Variants in CPXM2 observed in about 807,000 individuals in gnomAD.
CPXM2 encodes inactive carboxypeptidase-like protein X2.
CPXM2 carries 66 observed loss-of-function variants against 86.1 expected under a neutral mutation model. The observed-to-expected ratio is 0.77, with a 90% CI of 0.63 to 0.94. CPXM2 has a LOEUF of 0.94. Among genes scored for constraint, CPXM2 ranks in the 40% least tolerant of loss-of-function variants. The probability of loss-of-function intolerance (pLI) is 0.00; values close to 1 mark genes in which losing one functional copy is unlikely to be tolerated. For synonymous variants in CPXM2, 388 were observed against 400.2 expected (o/e 0.97, Z 0.36); for missense variants, 948 against 1,026.3 (o/e 0.92, Z 1.04).
intron 2 of CPXM2, among the ~76,000 whole-genome samples, chr10:123,876,464 G>C (rs1944989018): frequency 6.6e-6 from 1 of 152,182 alleles, no homozygotes; most frequent in Non-Finnish European, 1.5e-5. Flanking sequence ...GGAAACTAAA[G>C]AGAGGTGATC....
intron 6 of CPXM2, among the ~76,000 whole-genome samples, chr10:123,784,945 T>C (rs1847016705): frequency 6.6e-6 from 1 of 152,208 alleles, no homozygotes; most frequent in South Asian, 2.1e-4. Context: ...GGAAATATCC[T>C]TTCCATTCAC....
chr10:123,763,492 T>G (rs1589972224), intron 10 of CPXM2, among the ~76,000 whole-genome samples: 1 of 152,220 alleles, frequency 6.6e-6, no homozygotes, highest in Non-Finnish European at 1.5e-5. Context: ...TCTTTTGTTT[T>G]ATCCCATATG....
At chr10:123,788,845 C>T (rs1325076472) in intron 6 of CPXM2, among the ~76,000 whole-genome samples, 2 of 142,430 alleles carry the variant, frequency 1.4e-5, no homozygotes, top group Admixed American at 7.3e-5. Context: ...CTTTAAAAGG[C>T]TTAGTGTATA....
chr10:123,940,672 T>G (rs11517445), upstream of CPXM2, among the ~76,000 whole-genome samples: 50,397 of 152,088 alleles, frequency 0.33, 9,656 homozygotes, highest in South Asian at 0.48. Flanking sequence ...TCCAGCATTT[T>G]AAACCAACGC....
chr10:123,798,693 T>C (rs899770127), intron 5 of CPXM2, among the ~76,000 whole-genome samples: 1 of 152,220 alleles, frequency 6.6e-6, no homozygotes, highest in Admixed American at 6.5e-5. Flanking sequence ...GCTAGGAATA[T>C]GCACTTGAGA....
chr10:123,836,888 C>CCA, intron 4 of CPXM2, among the ~76,000 whole-genome samples: 1 of 151,162 alleles, frequency 6.6e-6, no homozygotes, highest in Admixed American at 6.6e-5. Context: ...GATCTTCCCC[C>CCA]CAGGTGAGGT....
At chr10:123,922,391 A>G (rs1945585602) in intron 2 of CPXM2, among the ~76,000 whole-genome samples, 2 of 152,244 alleles carry the variant, frequency 1.3e-5, no homozygotes, top group South Asian at 4.1e-4. Context: ...TTTTTAATTC[A>G]AAAAGGGTAA....
At chr10:123,936,739 C>T (rs1945724511) in intron 2 of CPXM2, among the ~76,000 whole-genome samples, 1 of 152,196 alleles carries the variant, frequency 6.6e-6, no homozygotes, top group Admixed American at 6.5e-5. Flanking sequence ...CTCCCTTTGT[C>T]TCTCACTTTC....
chr10:123,907,221 G>C (rs925277364), intron 2 of CPXM2, among the ~76,000 whole-genome samples: 1 of 152,190 alleles, frequency 6.6e-6, no homozygotes, highest in Non-Finnish European at 1.5e-5. Flanking sequence ...TTAACATTCA[G>C]GCTGAAACTG....
Position 123,874,185 on chromosome 10 carries a change from C to A in CPXM2, c.403+6026G>T, listed in dbSNP as rs76256201. 5.3e-3 allele frequency among the ~76,000 whole-genome samples: 811 copies of A among 152,026 alleles called. 9 individuals carry two copies. The highest frequency in any genetic ancestry group is 0.019 in the African/African-American group (771 of 41,438). ...GCCTATTTCTCACATTTCTAAAAGC[C>A]GAGAAGTCCAAGATCAAGGCACCAA... On this transcript the variant is annotated intron_variant, in intron 2 of 13. Transcript: ENST00000241305.
intron 2 of CPXM2, among the ~76,000 whole-genome samples, chr10:123,873,272 T>C (rs933965530): frequency 6.7e-6 from 1 of 148,424 alleles, no homozygotes; most frequent in African/African-American, 2.5e-5. Flanking sequence ...AAATTGAAAT[T>C]AAAAGTATCA....
intron 2 of CPXM2, among the ~76,000 whole-genome samples, chr10:123,904,021 G>A (rs1480786799): frequency 6.6e-6 from 1 of 152,200 alleles, no homozygotes; most frequent in Non-Finnish European, 1.5e-5. Flanking sequence ...CCTCTTTGGA[G>A]AAAAACATAG....
intron 2 of CPXM2, among the ~76,000 whole-genome samples, chr10:123,933,106 C>A (rs113668612): frequency 0.013 from 2,026 of 152,226 alleles, 61 homozygotes; most frequent in African/African-American, 0.047. Flanking sequence ...ACCTTGAATG[C>A]GATTTTGGAA....
chr10:123,889,619 G>A (rs1246171711), intron 1 of CPXM2, among the ~76,000 whole-genome samples: 1 of 152,132 alleles, frequency 6.6e-6, no homozygotes, highest in Admixed American at 6.5e-5. Context: ...CAGGCACACT[G>A]GAAGCTTTCA....
rs1213818973 is a variant in CPXM2, at chr10:123,874,047, A to G, written c.403+6164T>C. On this transcript the variant is annotated intron_variant, in intron 2 of 13. Coordinates refer to ENST00000241305, the MANE Select transcript of CPXM2 (RefSeq NM_198148.3). ...GGTAATTTTTTGTATTTTAGTAGAGATGGGGTTTCACCACATTGCCCAGGG... is the reference window on the plus strand; with the variant it reads ...GGTAATTTTTTGTATTTTAGTAGAGGTGGGGTTTCACCACATTGCCCAGGG... 4.0e-5 allele frequency among the ~76,000 whole-genome samples: 6 copies of G among 151,824 alleles called. No individual in the cohort carries two copies. In the East Asian group the frequency reaches 1.2e-3, roughly 29 times the overall value.
At chr10:123,904,289 T>C (rs1284415701) in intron 2 of CPXM2, among the ~76,000 whole-genome samples, 2 of 152,156 alleles carry the variant, frequency 1.3e-5, no homozygotes, top group Non-Finnish European at 2.9e-5. Flanking sequence ...GGGCCACTTC[T>C]TTCCGATTGT....
intron 2 of CPXM2, among the ~76,000 whole-genome samples, chr10:123,912,622 G>T (rs1193378411): frequency 1.3e-5 from 2 of 152,230 alleles, no homozygotes; most frequent in South Asian, 4.1e-4. Flanking sequence ...AGGAGGCACT[G>T]CCAGGGATTG....
At chr10:123,923,362 C>A (rs577909154) in intron 2 of CPXM2, among the ~76,000 whole-genome samples, 6 of 151,534 alleles carry the variant, frequency 4.0e-5, no homozygotes, top group Admixed American at 3.9e-4. Flanking sequence ...GGGCGGATCA[C>A]GAGGTCAGGA....
chr10:123,937,302 A>T (rs1447681323), intron 2 of CPXM2, among the ~76,000 whole-genome samples: 3 of 152,186 alleles, frequency 2.0e-5, no homozygotes. Context: ...CTTCAGGATC[A>T]GGAGAGCTGA....
Sources: allele counts gnomAD v4.1 joint callset (sites outside exome capture counted in the v4.1 genomes callset), GRCh38; gene constraint gnomAD v4.1.1; transcripts MANE v1.5; gene names NCBI Gene and HGNC (gene_info 2026-07-23, HGNC 2026-07-21).